Variants in KLHL6 observed in about 807,000 individuals in gnomAD.
KLHL6 encodes kelch like family member 6, also known as kelch-like protein 6.
A neutral mutation model predicts 58.6 loss-of-function variants in KLHL6; 41 were observed. That is an observed-to-expected ratio of 0.70 (90% CI 0.55 to 0.91). The LOEUF is 0.91. Ranked by LOEUF, KLHL6 falls within the 40% of genes least tolerant of loss-of-function variation. The probability of loss-of-function intolerance (pLI) is 0.00; values close to 1 mark genes in which losing one functional copy is unlikely to be tolerated. For synonymous variants in KLHL6, 338 were observed against 322.7 expected (o/e 1.05, Z -0.51); for missense variants, 714 against 805.6 (o/e 0.89, Z 1.38).
chr3:183,534,930 A>G (rs1187272430), intron 1 of KLHL6, among the ~76,000 whole-genome samples: 2 of 100,942 alleles, frequency 2.0e-5, no homozygotes, highest in Non-Finnish European at 4.1e-5. Context: ...ATGCATATAT[A>G]TACATATATA....
chr3:183,507,454 CAG>C (rs1357018403), intron 3 of KLHL6, among the ~76,000 whole-genome samples: 2 of 152,008 alleles, frequency 1.3e-5, no homozygotes, highest in Non-Finnish European at 2.9e-5. Flanking sequence ...CTTTTTGAGA[CAG>C]AGTCTCCCTC....
rs370771203 is a variant in KLHL6, at chr3:183,514,162, C to T, written c.460-5654G>A. On this transcript the variant is annotated intron_variant, in intron 2 of 6. Coordinates refer to ENST00000341319, the MANE Select transcript of KLHL6 (RefSeq NM_130446.4). ...AAGCGCCTGCGCTCATTGAAGCCGA[C>T]AGACCAGTGGAGGCAGCAGACGCTA... 7.9e-4 allele frequency among the ~76,000 whole-genome samples: 120 copies of T among 152,350 alleles called. No homozygotes were observed. The Middle Eastern group carries it at 0.027, about 35-fold the overall frequency.
chr3:183,528,968 T>C (rs1367004825), intron 1 of KLHL6, among the ~76,000 whole-genome samples: 1 of 152,016 alleles, frequency 6.6e-6, no homozygotes, highest in Admixed American at 6.6e-5. Context: ...TACGCAGCCA[T>C]AAAAAAGAAC....
At chr3:183,547,944 G>A (rs1247036415) in intron 1 of KLHL6, among the ~76,000 whole-genome samples, 1 of 152,130 alleles carries the variant, frequency 6.6e-6, no homozygotes, top group Non-Finnish European at 1.5e-5. Context: ...GGCTACATAA[G>A]CTGAAAATGA....
At chr3:183,533,531 A>G (rs1712228095) in intron 1 of KLHL6, among the ~76,000 whole-genome samples, 1 of 151,504 alleles carries the variant, frequency 6.6e-6, no homozygotes, top group South Asian at 2.1e-4. Flanking sequence ...TCAGCTTCCC[A>G]AAGTGCCAAG....
At chr3:183,522,199 TC>T (rs1185174536) in intron 2 of KLHL6, 11 of 151,782 alleles carry the variant, frequency 7.2e-5, no homozygotes, top group Non-Finnish European at 1.5e-4. Context: ...GGTGGCACAT[TC>T]CTGTAATCCC....
intron 1 of KLHL6, among the ~76,000 whole-genome samples, chr3:183,542,813 A>C (rs1712593812): frequency 6.6e-6 from 1 of 152,162 alleles, no homozygotes; most frequent in African/African-American, 2.4e-5. Context: ...TGTGCCTGCC[A>C]CAGAGTAGGC....
chr3:183,490,758 T>C lies in KLHL6; in HGVS notation c.*1169A>G, dbSNP rs911642605. 1.3e-5 allele frequency: 2 copies of C among 149,686 alleles called. No individual in the cohort carries two copies. Among genetic ancestry groups the C allele is most frequent in the African/African-American group, 5.0e-5 (2 of 40,370 alleles). 9.3% of individuals were successfully genotyped at this position (149,686 alleles called of 1,614,324 possible). A position where few individuals can be genotyped will look rare whatever the true frequency, so the allele number is the denominator to read the frequency against. ...TGACAGAGGTTGCAGTGAGCCGAGA[T>C]CATGCCACTGCACTCCAGCCTGGGC... is the stretch of plus-strand genomic sequence containing the variant. On this transcript the variant is annotated 3_prime_UTR_variant, in exon 7 of 7. Transcript: ENST00000341319.
Position 183,492,068 on chromosome 3 carries a change from C to T in KLHL6, c.1725G>A (p.Thr575=), listed in dbSNP as rs1183080233. Residue 575 remains threonine (T), a synonymous_variant, in exon 7 of 7, where the codon ACG becomes ACA. Coordinates refer to ENST00000341319, the MANE Select transcript of KLHL6 (RefSeq NM_130446.4). This position sits in a 1 kb window ranked among gnomAD's most constrained non-coding sequence, Gnocchi z 5.9. The part of the protein sequence containing the change: ...GRDEKNEVIA[T]VLCWDPEAQK... ...GGGCCTCGGGGTCCCAGCACAGCAC[C>T]GTGGCGATAACCTCGTTCTTCTCGT... is the stretch of plus-strand genomic sequence containing the variant. 1.2e-6 allele frequency: 2 copies of T among 1,614,020 alleles called. No individual in the cohort carries two copies. The highest frequency in any genetic ancestry group is 1.1e-5 in the South Asian group (1 of 91,086).
At chr3:183,506,305 T>C (rs545220497) in intron 3 of KLHL6, among the ~76,000 whole-genome samples, 1 of 152,358 alleles carries the variant, frequency 6.6e-6, no homozygotes, top group Non-Finnish European at 1.5e-5. Flanking sequence ...GACATGTTTA[T>C]TCACCGTTCG....
chr3:183,528,679 C>G (rs1159192597), intron 1 of KLHL6, among the ~76,000 whole-genome samples: 1 of 152,130 alleles, frequency 6.6e-6, no homozygotes, highest in Non-Finnish European at 1.5e-5. Context: ...ATTGGATGGA[C>G]CAGGATTTGA....
intron 3 of KLHL6, among the ~76,000 whole-genome samples, chr3:183,506,953 A>G (rs1435914171): frequency 6.6e-6 from 1 of 152,204 alleles, no homozygotes; most frequent in Non-Finnish European, 1.5e-5. Flanking sequence ...TGAAGAAGAG[A>G]AAAGCATTTG....
chr3:183,536,455 A>G (rs1357873365), intron 1 of KLHL6, among the ~76,000 whole-genome samples: 1 of 152,146 alleles, frequency 6.6e-6, no homozygotes, highest in African/African-American at 2.4e-5. Flanking sequence ...GAGCCTGGGG[A>G]GGGCAGGGGA....
Position 183,499,002 on chromosome 3 carries a change from T to C in KLHL6, c.1147+588A>G, listed in dbSNP as rs747573862. On this transcript the variant is annotated intron_variant, in intron 4 of 6. Transcript: ENST00000341319. This position sits in a 1 kb window ranked among gnomAD's most constrained non-coding sequence, Gnocchi z 4.6. Reference sequence around the variant, plus strand: ...CTTACCACTTTCCCTCTTCTTTTTCTGGGAAGGACTAGACTTGTCTGCCTC... The same window carrying C: ...CTTACCACTTTCCCTCTTCTTTTTCCGGGAAGGACTAGACTTGTCTGCCTC... Among the ~76,000 whole-genome samples the C allele has an allele frequency of 3.9e-5, 6 of 152,214 alleles. No homozygotes were observed. The highest frequency in any genetic ancestry group is 8.8e-5 in the Non-Finnish European group (6 of 68,032).
Position 183,508,058 on chromosome 3 carries a change from C to A in KLHL6, c.909+1G>T. The A allele has an allele frequency of 6.2e-7, 1 of 1,613,058 alleles. No individual in the cohort carries two copies. Among genetic ancestry groups the A allele is most frequent in the Non-Finnish European group, 8.5e-7 (1 of 1,179,162 alleles). On this transcript the variant is annotated splice_donor_variant, in intron 3 of 6. Coordinates refer to ENST00000341319, the MANE Select transcript of KLHL6 (RefSeq NM_130446.4). LOFTEE classifies it high-confidence loss of function. ...TATAGCACCTCTTATCTTCTACTCA[C>A]CTCATTGCCAGAAAGGTGGTACATC... is the stretch of plus-strand genomic sequence containing the variant.
intron 1 of KLHL6, among the ~76,000 whole-genome samples, chr3:183,537,553 A>G (rs1245633830): frequency 6.6e-6 from 1 of 152,218 alleles, no homozygotes; most frequent in Non-Finnish European, 1.5e-5. Context: ...CAGTTGCCCA[A>G]CACTTGGGCG....
chr3:183,526,329 A>C (rs1711966445), intron 2 of KLHL6, among the ~76,000 whole-genome samples: 1 of 152,170 alleles, frequency 6.6e-6, no homozygotes, highest in Non-Finnish European at 1.5e-5. Flanking sequence ...TAAATAAATA[A>C]ATAATTTTTA....
At chr3:183,510,848 G>A (rs907717400) in intron 2 of KLHL6, among the ~76,000 whole-genome samples, 1 of 133,498 alleles carries the variant, frequency 7.5e-6, no homozygotes, top group Non-Finnish European at 1.7e-5. Flanking sequence ...ACTCTAGCCC[G>A]GGCAACAAGA....
At chr3:183,517,157 G>T (rs1711596177) in intron 2 of KLHL6, among the ~76,000 whole-genome samples, 1 of 152,156 alleles carries the variant, frequency 6.6e-6, no homozygotes, top group South Asian at 2.1e-4. Flanking sequence ...CAAGTGATCT[G>T]CCTGCCTTGG....
Sources: allele counts gnomAD v4.1 joint callset (sites outside exome capture counted in the v4.1 genomes callset), GRCh38; gene constraint gnomAD v4.1.1; non-coding constraint Gnocchi (gnomAD v3.1); transcripts MANE v1.5; gene names NCBI Gene and HGNC (gene_info 2026-07-23, HGNC 2026-07-21).